The following GGT5 variants were observed in gnomAD, a reference collection of about 807,000 sequenced individuals.
GGT5 encodes the protein glutathione hydrolase 5 proenzyme.
Under a neutral mutation model 58.1 loss-of-function variants are expected in GGT5, and 50 were observed. The ratio of observed to expected loss-of-function variants is 0.86; its 90% CI spans 0.69 to 1.09. The LOEUF is 1.09. Among genes scored for constraint, GGT5 ranks in the 50% least tolerant of loss-of-function variants. The pLI is 0.00. For synonymous variants in GGT5, 370 were observed against 346.1 expected (o/e 1.07, Z -0.77); for missense variants, 800 against 789.4 (o/e 1.01, Z -0.16).
intron 2 of GGT5, 100 bp from the exon 3 acceptor site, chr22:24,233,693 T>G: frequency 1.1e-6 from 1 of 871,972 alleles, no homozygotes. Flanking sequence ...AGATGGACTC[T>G]GGGCTAACAC....
chr22:24,223,175 A>G (rs2047651916), intron 11 of GGT5, among the ~76,000 whole-genome samples: 1 of 151,992 alleles, frequency 6.6e-6, no homozygotes, highest in Admixed American at 6.6e-5. Context: ...GCCAAGGTGG[A>G]CAGATCACTT....
chr22:24,229,322 G>A (rs965412638), intron 6 of GGT5, among the ~76,000 whole-genome samples: 4 of 151,078 alleles, frequency 2.6e-5, no homozygotes, highest in Non-Finnish European at 5.9e-5. Flanking sequence ...CAGGAAAATC[G>A]CTTGAACCCA....
chr22:24,222,322 T>C (rs2047614349), intron 11 of GGT5, among the ~76,000 whole-genome samples: 1 of 152,098 alleles, frequency 6.6e-6, no homozygotes, highest in Non-Finnish European at 1.5e-5. Flanking sequence ...ACAGGGCAAA[T>C]GAGGTCTTTG....
chr22:24,238,832 TTTA>T (rs1182909853), intron 1 of GGT5, among the ~76,000 whole-genome samples: 24 of 11,690 alleles, frequency 2.1e-3, no homozygotes, highest in African/African-American at 0.015. Flanking sequence ...TATATATATA[TTTA>T]TATATATATA....
At position 24,234,009 on chromosome 22, in the gene GGT5, G is replaced by A. The variant is rs1385324328; in HGVS notation, c.174-5C>T. 1 of 1,603,738 alleles carries A rather than the reference G, an allele frequency of 6.2e-7. No individual in the cohort carries two copies. ...CCCTGCTGCTGGAGGATGGCTCTAG[G>A]GGACATGGCACAGAGTCGCTGTGGG... On this transcript the variant is annotated splice_polypyrimidine_tract_variant and splice_region_variant and intron_variant, in intron 1 of 11. Coordinates refer to ENST00000327365, the MANE Select transcript of GGT5 (RefSeq NM_004121.5).
Position 24,245,071 on chromosome 22 carries a change from T to C in GGT5, c.-346A>G, listed in dbSNP as rs1601447182. 3.7e-6 allele frequency: 1 copy of C among 267,376 alleles called. No homozygotes were observed. Among genetic ancestry groups the C allele is most frequent in the African/African-American group, 2.2e-5 (1 of 46,044 alleles). 16.6% of individuals were successfully genotyped at this position (267,376 alleles called of 1,614,324 possible). A position where few individuals can be genotyped will look rare whatever the true frequency, so the allele number is the denominator to read the frequency against. ...GCTGCTGCCCTCACCAAGTGCACAC[T>C]ACGGAGTGGCCAAACTCACGCCTCA... is the stretch of plus-strand genomic sequence containing the variant. On this transcript the variant is annotated 5_prime_UTR_variant, in exon 1 of 12. Transcript: ENST00000327365.
chr22:24,232,957 A>G lies in GGT5; in HGVS notation c.462T>C (p.His154=), dbSNP rs2047991609. The change falls in exon 4 of 12, where the codon CAT becomes CAC. Residue 154 remains histidine, a synonymous_variant. Transcript: ENST00000327365. ...LRGYAEAHRR[H]GRLPWAQLFQ... ...ACAGCTGCGCCCAGGGCAGGCGGCC[A>G]TGGCGGCGGTGGGCCTCGGCATAGC... is the stretch of plus-strand genomic sequence containing the variant. 5 of 1,565,840 alleles carry G rather than the reference A, an allele frequency of 3.2e-6. No homozygotes were observed. Among genetic ancestry groups the G allele is most frequent in the African/African-American group, 1.4e-5 (1 of 73,732 alleles).
Position 24,233,912 on chromosome 22 carries a change from C to A in GGT5, c.266G>T (p.Gly89Val). 1 of 1,613,586 alleles carries A rather than the reference C, an allele frequency of 6.2e-7. No individual in the cohort carries two copies. The highest frequency in any genetic ancestry group is 1.1e-5 in the South Asian group (1 of 91,064). Reference protein sequence around the residue: ...SVVNPQSMGLGGGVIFTIYNV... With the variant: ...SVVNPQSMGLVGGVIFTIYNV... ...GTAGATGGTGAAGATGACCCCTCCG[C>A]CCAGGCCCATGCTCTGAGGGTTGAC... The change falls in exon 2 of 12, where the codon GGC becomes GTC. Residue 89 changes from glycine to valine, a missense_variant. Coordinates refer to ENST00000327365, the MANE Select transcript of GGT5 (RefSeq NM_004121.5).
At chr22:24,235,861 A>G (rs1205056921) in intron 1 of GGT5, among the ~76,000 whole-genome samples, 1 of 152,024 alleles carries the variant, frequency 6.6e-6, no homozygotes, top group African/African-American at 2.4e-5. Flanking sequence ...TGGGGAAACC[A>G]AAGCCCCAAG....
At chr22:24,237,007 CTTTTTTTTT>C (rs35060391) in intron 1 of GGT5, among the ~76,000 whole-genome samples, 1 of 131,124 alleles carries the variant, frequency 7.6e-6, no homozygotes, top group South Asian at 2.4e-4. Context: ...TCTTTTCTCT[CTTTTTTTTT>C]TTTTTTTTGC....
intron 8 of GGT5, 49 bp downstream of exon 8, chr22:24,226,027 C>T: frequency 7.5e-7 from 1 of 1,339,302 alleles, no homozygotes; most frequent in Non-Finnish European, 1.0e-6. Flanking sequence ...GTGTGCAGGT[C>T]TAGGAGAGGA....
intron 11 of GGT5, 33 bp from the exon 12 acceptor site, chr22:24,220,149 G>A (rs771839184): frequency 1.9e-6 from 3 of 1,609,300 alleles, no homozygotes; most frequent in Non-Finnish European, 2.5e-6. Flanking sequence ...TCACAGGGGA[G>A]GGCAGCTCAG....
At chr22:24,233,619 G>A in intron 2 of GGT5, 26 bp from the exon 3 acceptor site, 1 of 1,399,068 alleles carries the variant, frequency 7.1e-7, no homozygotes, top group Non-Finnish European at 9.9e-7. Flanking sequence ...GCAGGTGAGT[G>A]GTCATGGACC....
chr22:24,225,981 C>T (rs2047747720), intron 8 of GGT5, 95 bp downstream of exon 8: 2 of 867,564 alleles, frequency 2.3e-6, no homozygotes, highest in Non-Finnish European at 3.5e-6. Context: ...CAAGGTGCTG[C>T]CCCGTGGGGA....
Position 24,226,202 on chromosome 22 carries a change from C to A in GGT5, c.1103G>T (p.Arg368Leu), listed in dbSNP as rs754711430. 6.2e-7 allele frequency: 1 copy of A among 1,609,824 alleles called. No individual in the cohort carries two copies. The highest frequency in any genetic ancestry group is 2.2e-5 in the East Asian group (1 of 44,848). Residue 368 changes from arginine to leucine, a missense_variant, in exon 8 of 12, where the codon CGG becomes CTG. Arg to Leu is a moderately radical substitution (Grantham distance 102). Coordinates refer to ENST00000327365, the MANE Select transcript of GGT5 (RefSeq NM_004121.5). ...AQLIRQQIDGRGDHQLSHYSL... is the reference protein window; with the variant it reads ...AQLIRQQIDGLGDHQLSHYSL... The stretch of plus-strand genomic sequence containing the variant: ...GTAGTGGCTGAGCTGGTGGTCCCCC[C>A]GGCCATCGATCTGTTGGCGGATGAG...
intron 1 of GGT5, among the ~76,000 whole-genome samples, chr22:24,240,775 G>A (rs554648832): frequency 1.3e-5 from 2 of 152,204 alleles, no homozygotes; most frequent in African/African-American, 4.8e-5. Context: ...ACAGGCATGA[G>A]CCACCATGCC....
chr22:24,234,802 A>G (rs984480175), intron 1 of GGT5, among the ~76,000 whole-genome samples: 1 of 152,162 alleles, frequency 6.6e-6, no homozygotes, highest in Non-Finnish European at 1.5e-5. Context: ...CCTGGGCAAC[A>G]AAGCAAGACT....
In GGT5 at chr22:24,232,211, G is replaced by A; in HGVS notation, c.597-3C>T. On this transcript the variant is annotated splice_polypyrimidine_tract_variant and splice_region_variant and intron_variant, in intron 4 of 11. Coordinates refer to ENST00000327365, the MANE Select transcript of GGT5 (RefSeq NM_004121.5). ...CTGTCCCGTTGAAGAAGAGCTGGCTGGGGGGTGGGGGGAGCCTCAGGGTGG... is the reference window on the plus strand; with the variant it reads ...CTGTCCCGTTGAAGAAGAGCTGGCTAGGGGGTGGGGGGAGCCTCAGGGTGG... The A allele has an allele frequency of 6.8e-7, 1 of 1,465,418 alleles. No homozygotes were observed. 90.8% of individuals were successfully genotyped at this position (1,465,418 alleles called of 1,614,324 possible).
intron 6 of GGT5, among the ~76,000 whole-genome samples, 195 bp from the exon 7 acceptor site, chr22:24,226,962 T>C (rs1371232225): frequency 2.0e-5 from 3 of 150,706 alleles, no homozygotes; most frequent in Non-Finnish European, 4.4e-5. Flanking sequence ...TTTTTTTTTT[T>C]TTTTTAGACA....
Sources: gnomAD v4.1 joint callset for allele counts (sites outside exome capture counted in the v4.1 genomes callset) on GRCh38, gnomAD v4.1.1 for gene constraint, MANE v1.5 for transcripts, NCBI Gene and HGNC (gene_info 2026-07-23, HGNC 2026-07-21) for gene names.